Variants in MRPS31 observed in about 807,000 individuals in gnomAD.
The protein encoded by MRPS31 is small ribosomal subunit protein mS31.
Under a neutral mutation model 43.1 loss-of-function variants are expected in MRPS31, and 32 were observed. The ratio of observed to expected loss-of-function variants is 0.74; its 90% CI spans 0.56 to 1.00. The LOEUF (loss-of-function observed/expected upper bound fraction) is 1.00. MRPS31 is among the 50% of genes least tolerant of loss of function. The probability of loss-of-function intolerance (pLI) is 0.00; values close to 1 mark genes in which losing one functional copy is unlikely to be tolerated. For synonymous variants in MRPS31, 165 were observed against 161.6 expected (o/e 1.02, Z -0.16); for missense variants, 437 against 466.7 (o/e 0.94, Z 0.59).
At chr13:40,739,832 A>T (rs1010468382) in intron 6 of MRPS31, among the ~76,000 whole-genome samples, 1 of 152,010 alleles carries the variant, frequency 6.6e-6, no homozygotes, top group Non-Finnish European at 1.5e-5. Context: ...AAACCATAAA[A>T]ACCCTAGAAG....
In MRPS31 at chr13:40,766,894, C is replaced by A; in HGVS notation, c.292G>T (p.Asp98Tyr). ...ATGCCCTTAATAATGCCTAACAAGT[C>A]TTTTTTCGTATTTTCCTTTTCACTG... The part of the protein sequence containing the change: ...QDSEKENTKK[D>Y]LLGIIKGMKV... Residue 98 changes from aspartate (D) to tyrosine (Y), a missense_variant, in exon 2 of 7, where the codon GAC (aspartate) becomes TAC (tyrosine). Coordinates refer to ENST00000323563, the MANE Select transcript of MRPS31 (RefSeq NM_005830.4). 1 of 1,614,052 alleles carries A rather than the reference C, an allele frequency of 6.2e-7. No individual in the cohort carries two copies. The highest frequency in any genetic ancestry group is 8.5e-7 in the Non-Finnish European group (1 of 1,179,988).
chr13:40,737,123 G>T (rs1284679107), intron 6 of MRPS31, among the ~76,000 whole-genome samples: 1 of 149,484 alleles, frequency 6.7e-6, no homozygotes, highest in African/African-American at 2.5e-5. Context: ...AAAGGCAGGG[G>T]TTGCAATCCT....
intron 6 of MRPS31, among the ~76,000 whole-genome samples, chr13:40,731,753 C>T (rs1390790720): frequency 1.3e-5 from 2 of 152,058 alleles, no homozygotes; most frequent in African/African-American, 4.8e-5. Flanking sequence ...AAGAAATTCA[C>T]CTTAAACACC....
intron 6 of MRPS31, among the ~76,000 whole-genome samples, chr13:40,747,935 T>C (rs1880284131): frequency 6.6e-6 from 1 of 152,214 alleles, no homozygotes; most frequent in Admixed American, 6.5e-5. Flanking sequence ...AGTAACACTT[T>C]ATGTTAATTA....
intron 6 of MRPS31, among the ~76,000 whole-genome samples, chr13:40,738,634 A>G (rs1879993524): frequency 6.6e-6 from 1 of 152,194 alleles, no homozygotes; most frequent in South Asian, 2.1e-4. Flanking sequence ...CTGGTTCAAT[A>G]TACGCAAATC....
At chr13:40,763,228 A>T (rs1463575632) in intron 2 of MRPS31, among the ~76,000 whole-genome samples, 2 of 152,174 alleles carry the variant, frequency 1.3e-5, no homozygotes, top group Non-Finnish European at 1.5e-5. Flanking sequence ...GGAAGATGAA[A>T]GACAGAACCA....
chr13:40,737,152 C>A (rs1244338761), intron 6 of MRPS31, among the ~76,000 whole-genome samples: 1 of 150,140 alleles, frequency 6.7e-6, no homozygotes, highest in Non-Finnish European at 1.5e-5. Context: ...ATAAAACAGA[C>A]TTTAAACCAA....
At chr13:40,742,334 G>A (rs1880122905) in intron 6 of MRPS31, among the ~76,000 whole-genome samples, 1 of 152,038 alleles carries the variant, frequency 6.6e-6, no homozygotes, top group Non-Finnish European at 1.5e-5. Flanking sequence ...ACAAATAAAG[G>A]GTGAAATCCA....
chr13:40,747,142 G>A (rs1454102381), intron 6 of MRPS31, among the ~76,000 whole-genome samples: 1 of 151,460 alleles, frequency 6.6e-6, no homozygotes, highest in Non-Finnish European at 1.5e-5. Context: ...GCTGTGGCAC[G>A]ATCTTGGCTC....
intron 6 of MRPS31, among the ~76,000 whole-genome samples, chr13:40,739,467 G>C (rs1880017602): frequency 6.6e-6 from 1 of 152,166 alleles, no homozygotes; most frequent in African/African-American, 2.4e-5. Context: ...CCAAAAAAGA[G>C]CCCACATCGC....
chr13:40,744,509 C>T (rs1268229269), intron 6 of MRPS31, among the ~76,000 whole-genome samples: 1 of 152,124 alleles, frequency 6.6e-6, no homozygotes, highest in Non-Finnish European at 1.5e-5. Context: ...CATATACCAT[C>T]CTTATATGTT....
chr13:40,771,146 A>T lies in MRPS31; in HGVS notation c.-10T>A, dbSNP rs751020580. ...AGACTCTAGGAAACATCGCCGAGAC[A>T]CGAAATGAACCAAGAACACAACTGA... On this transcript the variant is annotated 5_prime_UTR_variant, in exon 1 of 7. Transcript: ENST00000323563. 2.5e-6 allele frequency: 4 copies of T among 1,594,116 alleles called. No individual in the cohort carries two copies. Among genetic ancestry groups the T allele is most frequent in the Non-Finnish European group, 3.4e-6 (4 of 1,168,238 alleles).
At chr13:40,745,476 T>C (rs1280545389) in intron 6 of MRPS31, among the ~76,000 whole-genome samples, 1 of 152,212 alleles carries the variant, frequency 6.6e-6, no homozygotes, top group South Asian at 2.1e-4. Flanking sequence ...GGTCTTGAAC[T>C]CGTGACCTCA....
In MRPS31 at chr13:40,729,579, T is replaced by A. The variant is rs1433256189; in HGVS notation, c.981A>T (p.Glu327Asp). 6 of 1,613,446 alleles carry A rather than the reference T, an allele frequency of 3.7e-6. No individual in the cohort carries two copies. The East Asian group carries it at 1.1e-4, about 30-fold the overall frequency. ...TCTCCAGAAATATATGTTCATGAAATTCTGAACCATCATCATCAAAACCTA... is the reference window on the plus strand; with the variant it reads ...TCTCCAGAAATATATGTTCATGAAAATCTGAACCATCATCATCAAAACCTA... Reference protein sequence around the residue: ...NEAGFDDDGSEFHEHIFLEKH... With the variant: ...NEAGFDDDGSDFHEHIFLEKH... Residue 327 changes from glutamate to aspartate, a missense_variant, in exon 7 of 7, where the codon GAA becomes GAT. Transcript: ENST00000323563.
rs201550346 is a variant in MRPS31, at chr13:40,738,802, A to C, written c.959-9201T>G. Among the ~76,000 whole-genome samples, 350 of 152,196 alleles carry C rather than the reference A, an allele frequency of 2.3e-3. 4 individuals are homozygous for C. The East Asian group carries it at 0.046, about 20-fold the overall frequency. ...GGGACATATTTCAAAATAATAAGAGATATCTATGACAAACCCACAGCCAAT... is the reference window on the plus strand; with the variant it reads ...GGGACATATTTCAAAATAATAAGAGCTATCTATGACAAACCCACAGCCAAT... On this transcript the variant is annotated intron_variant, in intron 6 of 6. Transcript: ENST00000323563.
intron 5 of MRPS31, 101 bp from the exon 6 acceptor site, chr13:40,749,382 G>A (rs1209906501): frequency 5.7e-6 from 5 of 870,986 alleles, no homozygotes; most frequent in African/African-American, 5.3e-5. Context: ...TTCAGACCCT[G>A]ACATTCATAA....
At chr13:40,758,231 TTA>T (rs1311773246) in intron 3 of MRPS31, among the ~76,000 whole-genome samples, 1 of 152,132 alleles carries the variant, frequency 6.6e-6, no homozygotes, top group African/African-American at 2.4e-5. Context: ...GCTACTTTTT[TTA>T]TGTTTTGTAG....
chr13:40,748,703 T>C lies in MRPS31; in HGVS notation c.958+435A>G, dbSNP rs1304820094. The stretch of plus-strand genomic sequence containing the variant: ...ACTTTCACTGGCTCATACAAGTTCC[T>C]TGCACCTCATTAATGCAATGGTTTT... On this transcript the variant is annotated intron_variant, in intron 6 of 6. Transcript: ENST00000323563. 2.6e-5 allele frequency among the ~76,000 whole-genome samples: 4 copies of C among 152,210 alleles called. 1 individual carries two copies. The highest frequency in any genetic ancestry group is 4.4e-5 in the Non-Finnish European group (3 of 68,038).
chr13:40,749,581 T>C (rs1880331210), intron 5 of MRPS31: 1 of 183,622 alleles, frequency 5.4e-6, no homozygotes, highest in South Asian at 1.9e-4. Context: ...TGAATGTTTT[T>C]TGTAGAATAT....
Sources: gnomAD v4.1 joint callset for allele counts (sites outside exome capture counted in the v4.1 genomes callset) on GRCh38, gnomAD v4.1.1 for gene constraint, MANE v1.5 for transcripts, NCBI Gene and HGNC (gene_info 2026-07-23, HGNC 2026-07-21) for gene names.